The following PLA2R1 variants were observed in gnomAD, a reference collection of about 807,000 sequenced individuals.
PLA2R1 encodes the protein phospholipase A2 receptor 1, also known as secretory phospholipase A2 receptor.
PLA2R1 carries 158 observed loss-of-function variants against 195.9 expected under a neutral mutation model. The observed-to-expected ratio is 0.81, with a 90% CI of 0.71 to 0.92. The LOEUF (loss-of-function observed/expected upper bound fraction) is 0.92. Ranked by LOEUF, PLA2R1 falls within the 40% of genes least tolerant of loss-of-function variation. PLA2R1 has a pLI of 0.00. For synonymous variants in PLA2R1, 586 were observed against 598.2 expected, an observed-to-expected ratio of 0.98 and a Z score of 0.30; for missense variants, 1,626 against 1,764.6, an observed-to-expected ratio of 0.92 and a Z score of 1.41.
chr2:159,990,040 C>A (rs577276681), intron 11 of PLA2R1, among the ~76,000 whole-genome samples: 4 of 152,194 alleles, frequency 2.6e-5, no homozygotes, highest in African/African-American at 7.2e-5. Context: ...GAACATTTGA[C>A]CCAAATTTTA....
At position 159,987,055 on chromosome 2, in the gene PLA2R1, T is replaced by C; in HGVS notation, c.2037+101A>G. ...ACCTGCTGTCTGTCAGGCACTGTTC[T>C]GGAAAAAAAAAGGGCCCCGGAATAA... is the stretch of plus-strand genomic sequence containing the variant. On this transcript the variant is annotated intron_variant, in intron 12 of 29. Coordinates refer to ENST00000283243, the MANE Select transcript of PLA2R1 (RefSeq NM_007366.5). 3 of 838,480 alleles carry C rather than the reference T, an allele frequency of 3.6e-6. No individual in the cohort carries two copies. In the South Asian group the frequency reaches 4.6e-5, roughly 13 times the overall value. The allele number at this position is 838,480 out of a possible 1,614,324, so 51.9% of individuals were successfully genotyped here.
intron 11 of PLA2R1, among the ~76,000 whole-genome samples, chr2:159,995,668 C>G (rs376390888): frequency 1.3e-5 from 2 of 152,014 alleles, no homozygotes; most frequent in South Asian, 4.1e-4. Flanking sequence ...AGTTTCCATA[C>G]AAATTTCCTA....
Position 159,967,590 on chromosome 2 carries a change from T to C in PLA2R1, c.2853A>G (p.Thr951=), listed in dbSNP as rs781182746. ...KVWLIEKKKD[T]PKQHGTCPKG... is the part of the protein sequence containing the mutation. The stretch of plus-strand genomic sequence containing the variant: ...TGGGACACGTTCCATGTTGTTTTGG[T>C]GTATCTTTCTTTTTCTCTATGAGCC... Residue 951 remains threonine (T), a synonymous_variant, in exon 20 of 30, where the codon ACA becomes ACG. Coordinates refer to ENST00000283243, the MANE Select transcript of PLA2R1 (RefSeq NM_007366.5). 18 of 1,613,688 alleles carry C rather than the reference T, an allele frequency of 1.1e-5. No individual in the cohort carries two copies. The highest frequency in any genetic ancestry group is 2.2e-5 in the East Asian group (1 of 44,836).
chr2:160,033,211 G>T, intron 3 of PLA2R1, 79 bp from the exon 4 acceptor site: 1 of 1,103,154 alleles, frequency 9.1e-7, no homozygotes, highest in Non-Finnish European at 1.3e-6. Context: ...AGTCTGAATG[G>T]AATTATTCCA....
At chr2:159,924,995 C>T in the PLA2R1 span, among the ~76,000 whole-genome samples, 11 of 152,220 alleles carry the variant, frequency 7.2e-5, no homozygotes, top group South Asian at 1.5e-3. Context: ...TTGGGCAATA[C>T]GATGTGGATA....
Position 159,937,069 on chromosome 2 carries a change from C to T in PLA2R1, c.*4709G>A, listed in dbSNP as rs1301748981. On this transcript the variant is annotated 3_prime_UTR_variant, in exon 30 of 30. Transcript: ENST00000283243. The stretch of plus-strand genomic sequence containing the variant: ...AATTATTTTCTATATCAACCAACTG[C>T]TTGATTATGTTCTCCTTCAGTTTTT... 6.6e-6 allele frequency: 1 copy of T among 152,046 alleles called. No individual in the cohort carries two copies. Among genetic ancestry groups the T allele is most frequent in the African/African-American group, 2.4e-5 (1 of 41,388 alleles). 9.4% of individuals were successfully genotyped at this position (152,046 alleles called of 1,614,324 possible). A position where few individuals can be genotyped will look rare whatever the true frequency, so the allele number is the denominator to read the frequency against.
rs1686642441 is a variant in PLA2R1 at position 159,932,801 on chromosome 2, C to CTT, written c.*8975_*8976dup. The CTT allele has an allele frequency of 6.6e-6, 1 of 152,088 alleles. No individual in the cohort carries two copies. The highest frequency in any genetic ancestry group is 1.5e-5 in the Non-Finnish European group (1 of 68,026). 9.4% of individuals were successfully genotyped at this position (152,088 alleles called of 1,614,324 possible). A position where few individuals can be genotyped will look rare whatever the true frequency, so the allele number is the denominator to read the frequency against. On this transcript the variant is annotated 3_prime_UTR_variant, in exon 30 of 30. Transcript: ENST00000283243. ...CAAGGAGAAAACATTATAAATGGTC[C>CTT]TTTAACAATTTACAATTTGCTGTAT...
intron 7 of PLA2R1, 78 bp from the exon 8 acceptor site, chr2:160,020,341 A>C: frequency 1.2e-6 from 1 of 831,336 alleles, no homozygotes; most frequent in Non-Finnish European, 1.9e-6. Context: ...TATTACTAAA[A>C]TATACCACTT....
In PLA2R1 at chr2:159,945,711, C is replaced by A. The variant is rs983747328; in HGVS notation, c.3968-629G>T. 7 of 762,840 alleles carry A rather than the reference C, an allele frequency of 9.2e-6. No individual in the cohort carries two copies. In the African/African-American group the frequency reaches 1.3e-4, roughly 14 times the overall value. 47.3% of individuals were successfully genotyped at this position (762,840 alleles called of 1,614,324 possible). A position where few individuals can be genotyped will look rare whatever the true frequency, so the allele number is the denominator to read the frequency against. ...TGATTTATAGTCCTTTGGGTATATA[C>A]CCAGTAATGGGATGGCAGCCCCTGA... On this transcript the variant is annotated intron_variant, in intron 27 of 29. Transcript: ENST00000283243.
At chr2:159,996,165 T>C (rs1394427773) in intron 11 of PLA2R1, among the ~76,000 whole-genome samples, 1 of 152,104 alleles carries the variant, frequency 6.6e-6, no homozygotes, top group African/African-American at 2.4e-5. Context: ...TTCTATATCA[T>C]TTTCCTTCTC....
chr2:160,012,614 G>A (rs553649666), intron 10 of PLA2R1, among the ~76,000 whole-genome samples: 123 of 104,256 alleles, frequency 1.2e-3, no homozygotes, highest in African/African-American at 4.1e-3. Flanking sequence ...AAAAATACTT[G>A]TTAAATAATG....
intron 3 of PLA2R1, among the ~76,000 whole-genome samples, chr2:160,039,410 C>T (rs1694381603): frequency 1.3e-5 from 2 of 152,094 alleles, no homozygotes; most frequent in East Asian, 1.9e-4. Context: ...TTACATCCTT[C>T]ACCGCTAGTA....
In PLA2R1 at chr2:159,947,534, C is replaced by T. The variant is rs1560133867; in HGVS notation, c.3735G>A (p.Glu1245=). 4 of 1,612,888 alleles carry T rather than the reference C, an allele frequency of 2.5e-6. No homozygotes were observed. The highest frequency in any genetic ancestry group is 3.4e-6 in the Non-Finnish European group (4 of 1,179,404). The change falls in exon 26 of 30, where the codon GAG becomes GAA. Residue 1245 remains glutamate, a synonymous_variant. Transcript: ENST00000283243. Reference sequence around the variant, plus strand: ...AGGGAATAGATGTTTCTGAGCACAACTCTGGGTGTTCAGATTGTCTTGTTT... The same window carrying T: ...AGGGAATAGATGTTTCTGAGCACAATTCTGGGTGTTCAGATTGTCTTGTTT... The part of the protein sequence containing the change: ...PPETRQSEHP[E]LCSETSIPWI...
intron 11 of PLA2R1, 96 bp from the exon 12 acceptor site, chr2:159,987,454 T>C (rs1690434137): frequency 1.2e-6 from 1 of 814,792 alleles, no homozygotes; most frequent in Non-Finnish European, 2.0e-6. Flanking sequence ...TGACATCTCA[T>C]AATTAAGCAC....
chr2:159,995,270 C>G (rs372434506), intron 11 of PLA2R1, among the ~76,000 whole-genome samples: 4 of 152,060 alleles, frequency 2.6e-5, no homozygotes, highest in African/African-American at 9.7e-5. Flanking sequence ...AGCAGCCAAA[C>G]TGAACATCAT....
rs748592403 is a variant in PLA2R1 at position 160,028,375 on chromosome 2, G to A, written c.956-14C>T. The A allele has an allele frequency of 3.4e-5, 54 of 1,586,754 alleles. No homozygotes were observed. The highest frequency in any genetic ancestry group is 1.3e-4 in the South Asian group (12 of 89,098). ...CAAAATTTACCTCTGAAAATACAAT[G>A]AGTGTCTTTAATATTAGAAGCAAAA... On this transcript the variant is annotated splice_polypyrimidine_tract_variant and intron_variant, in intron 5 of 29. Coordinates refer to ENST00000283243, the MANE Select transcript of PLA2R1 (RefSeq NM_007366.5).
At chr2:159,931,073 C>G (rs1027568026), downstream of PLA2R1, among the ~76,000 whole-genome samples, 1 of 152,198 alleles carries the variant, frequency 6.6e-6, no homozygotes, top group African/African-American at 2.4e-5. Flanking sequence ...CCGCAGCTTA[C>G]CACTTACCTG....
At position 159,997,776 on chromosome 2, in the gene PLA2R1, T is replaced by G. The variant is rs563223628; in HGVS notation, c.1834+7876A>C. On this transcript the variant is annotated intron_variant, in intron 11 of 29. Coordinates refer to ENST00000283243, the MANE Select transcript of PLA2R1 (RefSeq NM_007366.5). ...TCTCTGTATCTTTTTATTTCTCCAG[T>G]TTGGGGCAGCAGTGGTTTGCCTTGC... 1.8e-4 allele frequency among the ~76,000 whole-genome samples: 27 copies of G among 152,180 alleles called. No individual in the cohort carries two copies. In the South Asian group the frequency reaches 5.6e-3, roughly 32 times the overall value.
intron 1 of PLA2R1, among the ~76,000 whole-genome samples, chr2:160,055,583 C>A (rs914270155): frequency 6.6e-6 from 1 of 152,208 alleles, no homozygotes; most frequent in Non-Finnish European, 1.5e-5. Context: ...TTCTGTCATG[C>A]AGCAGGATAC....
Sources: gnomAD v4.1 joint callset for allele counts (sites outside exome capture counted in the v4.1 genomes callset) on GRCh38, gnomAD v4.1.1 for gene constraint, MANE v1.5 for transcripts, NCBI Gene and HGNC (gene_info 2026-07-23, HGNC 2026-07-21) for gene names.